The following USH1C variants were observed in gnomAD, a reference collection of about 807,000 sequenced individuals.
USH1C encodes USH1 protein network component harmonin, also known as harmonin.
A neutral mutation model predicts 119.3 loss-of-function variants in USH1C; 90 were observed. The ratio of observed to expected loss-of-function variants is 0.75; its 90% CI spans 0.64 to 0.90. The LOEUF is 0.90. USH1C is among the 40% of genes least tolerant of loss of function. The pLI, the probability that USH1C is intolerant of heterozygous loss-of-function variation, is 0.00. For synonymous variants in USH1C, 465 were observed against 443.3 expected (o/e 1.05, Z -0.62); for missense variants, 1,165 against 1,167.7 (o/e 1.00, Z 0.03).
At chr11:17,540,761 G>A (rs905552548) in intron 1 of USH1C, among the ~76,000 whole-genome samples, 4 of 151,994 alleles carry the variant, frequency 2.6e-5, no homozygotes, top group Non-Finnish European at 4.4e-5. Flanking sequence ...ATTCTCACCC[G>A]AGTCCGAGCC....
Position 17,526,440 on chromosome 11 carries a change from C to A in USH1C, c.581G>T (p.Gly194Val). 1 of 1,613,834 alleles carries A rather than the reference C, an allele frequency of 6.2e-7. No individual in the cohort carries two copies. The highest frequency in any genetic ancestry group is 2.2e-5 in the East Asian group (1 of 44,872). ...YVDQFVSESG[G>V]VRGSLGSPGN... Reference sequence around the variant, plus strand: ...AGGGGAGCCCAGGCTGCCTCGCACGCCCTGAAAGAGAGATAGAAGCAGAAT... The same window carrying A: ...AGGGGAGCCCAGGCTGCCTCGCACGACCTGAAAGAGAGATAGAAGCAGAAT... Residue 194 changes from glycine (G) to valine (V), a missense_variant and splice_region_variant, in exon 8 of 27, where the codon GGC becomes GTC. Transcript: ENST00000005226.
At chr11:17,521,253 G>A in intron 13 of USH1C, 93 bp downstream of exon 13, 1 of 1,352,584 alleles carries the variant, frequency 7.4e-7, no homozygotes, top group Admixed American at 1.7e-5. Context: ...AGAGAACCAG[G>A]TAAACTGGTT....
chr11:17,500,298 C>A (rs987891251), intron 23 of USH1C, among the ~76,000 whole-genome samples: 2 of 152,192 alleles, frequency 1.3e-5, no homozygotes, highest in Non-Finnish European at 2.9e-5. Context: ...AGCAAAATGA[C>A]CAAACTGCCT....
chr11:17,543,692 G>A (rs1851570711), intron 1 of USH1C, among the ~76,000 whole-genome samples: 1 of 152,136 alleles, frequency 6.6e-6, no homozygotes. Context: ...CAGCTCCGAC[G>A]CCCTCAGTAC....
intron 20 of USH1C, among the ~76,000 whole-genome samples, chr11:17,504,274 G>C (rs1038116595): frequency 6.6e-6 from 1 of 152,196 alleles, no homozygotes; most frequent in Non-Finnish European, 1.5e-5. Context: ...AAGGTACAGG[G>C]AGACACCTAA....
At chr11:17,500,301 A>G (rs1195808695) in intron 23 of USH1C, among the ~76,000 whole-genome samples, 1 of 152,134 alleles carries the variant, frequency 6.6e-6, no homozygotes, top group Non-Finnish European at 1.5e-5. Context: ...AAAATGACCA[A>G]ACTGCCTGGA....
At chr11:17,509,125 C>G (rs1302115673) in intron 18 of USH1C, among the ~76,000 whole-genome samples, 1 of 152,202 alleles carries the variant, frequency 6.6e-6, no homozygotes. Context: ...CCGTTGCTTA[C>G]CCCAAAGGTC....
At chr11:17,502,109 C>T (rs947083273) in intron 20 of USH1C, 129 bp from the exon 21 acceptor site, 5 of 915,442 alleles carry the variant, frequency 5.5e-6, no homozygotes, top group Non-Finnish European at 8.3e-6. Context: ...AAGGCACGGC[C>T]AGGGTACGGG....
Position 17,531,653 on chromosome 11 carries a change from G to C in USH1C, c.105-111C>G. 2 of 1,405,142 alleles carry C rather than the reference G, an allele frequency of 1.4e-6. No individual in the cohort carries two copies. The highest frequency in any genetic ancestry group is 2.0e-6 in the Non-Finnish European group (2 of 1,023,870). The allele number at this position is 1,405,142 out of a possible 1,614,324, so 87.0% of individuals were successfully genotyped here. ...CACTGGGCCCAGGCTTAGGAATGGAGTAGACCACTCCTGAAAAGCCCAGAG... is the reference window on the plus strand; with the variant it reads ...CACTGGGCCCAGGCTTAGGAATGGACTAGACCACTCCTGAAAAGCCCAGAG... On this transcript the variant is annotated intron_variant, in intron 2 of 26. Coordinates refer to ENST00000005226, the MANE Select transcript of USH1C (RefSeq NM_153676.4). The surrounding 1 kb of genome is among the most constrained non-coding windows in gnomAD (Gnocchi z 4.2).
intron 23 of USH1C, among the ~76,000 whole-genome samples, chr11:17,500,043 A>C (rs75969026): frequency 6.6e-6 from 1 of 152,194 alleles, no homozygotes; most frequent in African/African-American, 2.4e-5. Context: ...TGGAAGAAGA[A>C]ATCACCAATG....
intron 18 of USH1C, among the ~76,000 whole-genome samples, chr11:17,507,480 G>A (rs1849696854): frequency 6.6e-6 from 1 of 152,148 alleles, no homozygotes; most frequent in African/African-American, 2.4e-5. Flanking sequence ...CACTGAGATT[G>A]CTAAGATCCC....
In USH1C at chr11:17,493,994, A is replaced by G. The variant is rs943633500; in HGVS notation, c.*338T>C. Reference sequence around the variant, plus strand: ...AGCAGAGGGCAGAGGAGAGGGATGGAGAGAGAGAGACTCCAGTGGGGTCTT... The same window carrying G: ...AGCAGAGGGCAGAGGAGAGGGATGGGGAGAGAGAGACTCCAGTGGGGTCTT... On this transcript the variant is annotated 3_prime_UTR_variant, in exon 27 of 27. Transcript: ENST00000005226. 2 of 392,896 alleles carry G rather than the reference A, an allele frequency of 5.1e-6. No individual in the cohort carries two copies. Among genetic ancestry groups the G allele is most frequent in the African/African-American group, 4.1e-5 (2 of 48,986 alleles). 24.3% of individuals were successfully genotyped at this position (392,896 alleles called of 1,614,324 possible).
At chr11:17,529,862 G>A (rs1028728086) in intron 4 of USH1C, among the ~76,000 whole-genome samples, 7 of 152,168 alleles carry the variant, frequency 4.6e-5, no homozygotes, top group Admixed American at 2.6e-4. Context: ...ATACCCCAAC[G>A]CCCCCAGTCA....
intron 26 of USH1C, chr11:17,494,596 G>A (rs751683474): frequency 3.3e-6 from 2 of 610,830 alleles, no homozygotes; most frequent in Non-Finnish European, 5.9e-6. Context: ...CACCTGGGAT[G>A]GGGGAAGGAG....
intron 2 of USH1C, among the ~76,000 whole-genome samples, chr11:17,532,680 C>A (rs1415838067): frequency 6.6e-6 from 1 of 152,180 alleles, no homozygotes; most frequent in Admixed American, 6.5e-5. Context: ...AGGAAAACTC[C>A]TTTCTTCACA....
Position 17,533,472 on chromosome 11 carries a change from G to T in USH1C, c.37-150C>A, listed in dbSNP as rs113289329. The T allele has an allele frequency of 1.5e-3, 1,024 of 703,662 alleles. 7 individuals are homozygous for T. In the African/African-American group the frequency reaches 0.016, roughly 11 times the overall value. 43.6% of individuals were successfully genotyped at this position (703,662 alleles called of 1,614,324 possible). A position where few individuals can be genotyped will look rare whatever the true frequency, so the allele number is the denominator to read the frequency against. ...GAGAAGAGGAGCCACAGGCCAGGCT[G>T]CCCCTCTGACCCCAATGCATCAGAC... On this transcript the variant is annotated intron_variant, in intron 1 of 26. Coordinates refer to ENST00000005226, the MANE Select transcript of USH1C (RefSeq NM_153676.4).
At chr11:17,505,041 A>G (rs554032622) in intron 19 of USH1C, among the ~76,000 whole-genome samples, 32 of 152,234 alleles carry the variant, frequency 2.1e-4, no homozygotes, top group Non-Finnish European at 3.7e-4. Context: ...GTTTCCTTGA[A>G]AGGGAAGTTA....
chr11:17,524,303 C>A, intron 9 of USH1C, 148 bp downstream of exon 9: 2 of 843,854 alleles, frequency 2.4e-6, no homozygotes, highest in Non-Finnish European at 3.9e-6. Context: ...TCTGTGAAGC[C>A]TTCTCTGCAG....
chr11:17,524,150 G>A (rs981626946), intron 9 of USH1C, among the ~76,000 whole-genome samples: 2 of 152,182 alleles, frequency 1.3e-5, no homozygotes, highest in Admixed American at 1.3e-4. Context: ...CAGCATTCTT[G>A]TGAAGTGTAA....
Sources: allele counts gnomAD v4.1 joint callset (sites outside exome capture counted in the v4.1 genomes callset), GRCh38; gene constraint gnomAD v4.1.1; non-coding constraint Gnocchi (gnomAD v3.1); transcripts MANE v1.5; gene names NCBI Gene and HGNC (gene_info 2026-07-23, HGNC 2026-07-21).